Variants in FBN1 observed in about 807,000 individuals in gnomAD.
FBN1 encodes fibrillin-1.
FBN1 carries 29 observed loss-of-function variants against 365.1 expected under a neutral mutation model. The ratio of observed to expected loss-of-function variants is 0.08; its 90% CI spans 0.06 to 0.11. The LOEUF (loss-of-function observed/expected upper bound fraction) is 0.11, where lower values mean the gene tolerates loss of function less well. Ranked by LOEUF, FBN1 falls within the 10% of genes least tolerant of loss-of-function variation. The pLI is 1.00. For missense variants in FBN1, 2,476 were observed against 3,703.2 expected (o/e 0.67, Z 8.60); for synonymous variants, 1,210 against 1,270.5 (o/e 0.95, Z 1.01).
chr15:48,435,666 A>ATGTGTGTGTGTGTGTGTGTGTG (rs3074870), intron 53 of FBN1, among the ~76,000 whole-genome samples: 5 of 145,540 alleles, frequency 3.4e-5, no homozygotes, highest in African/African-American at 1.3e-4. Context: ...GAGACCTAAA[A>ATGTGTGTGTGTGTGTGTGTGTG]TGTGTGTGTG....
intron 9 of FBN1, among the ~76,000 whole-genome samples, chr15:48,522,464 A>G (rs1451685364): frequency 6.6e-6 from 1 of 152,164 alleles, no homozygotes; most frequent in African/African-American, 2.4e-5. Flanking sequence ...CCTTGTGCCA[A>G]AAAGGTTGGG....
At chr15:48,599,704 CAG>C (rs2044547002) in intron 5 of FBN1, among the ~76,000 whole-genome samples, 4 of 152,128 alleles carry the variant, frequency 2.6e-5, no homozygotes, top group Admixed American at 6.6e-5. Context: ...GAGAGGGATG[CAG>C]ATACCACCAA....
rs756632646 is a variant in FBN1, at chr15:48,456,770, C to G, written c.5297-8G>C. The G allele has an allele frequency of 1.2e-6, 2 of 1,611,652 alleles. No individual in the cohort carries two copies. Among genetic ancestry groups the G allele is most frequent in the African/African-American group, 1.3e-5 (1 of 74,514 alleles). On this transcript the variant is annotated splice_polypyrimidine_tract_variant and splice_region_variant and intron_variant, in intron 43 of 65. Transcript: ENST00000316623. ...CCCGGCACTCATCAATATCTAGAGACAGAGTAGTCATTCATGAGTGACAGG... is the reference window on the plus strand; with the variant it reads ...CCCGGCACTCATCAATATCTAGAGAGAGAGTAGTCATTCATGAGTGACAGG...
intron 19 of FBN1, 117 bp downstream of exon 19, chr15:48,497,149 G>A: frequency 8.5e-7 from 1 of 1,170,116 alleles, no homozygotes; most frequent in East Asian, 2.3e-5. Context: ...AACATCCGAA[G>A]TATAAAGTGT....
Position 48,635,855 on chromosome 15 carries a change from A to C in FBN1, c.164+8751T>G, listed in dbSNP as rs180913076. On this transcript the variant is annotated intron_variant, in intron 2 of 65. Transcript: ENST00000316623. ...AACTAAGATCAATGCCCTAACATGA[A>C]TCTAACAGAACATGCAAACACAATA... 9.0e-4 allele frequency among the ~76,000 whole-genome samples: 137 copies of C among 152,380 alleles called. 1 individual carries two copies. The highest frequency in any genetic ancestry group is 4.8e-3 in the Admixed American group (74 of 15,304).
Position 48,534,069 on chromosome 15 carries a change from A to G in FBN1, c.862+11T>C. 6.3e-7 allele frequency: 1 copy of G among 1,593,324 alleles called. No homozygotes were observed. ...CTACACCCCCCAACTGCAAAGCATA[A>G]GATTTCTTACCTTCACATTTTTGTG... On this transcript the variant is annotated intron_variant, in intron 8 of 65. Transcript: ENST00000316623.
At chr15:48,556,038 C>T (rs1025015215) in intron 6 of FBN1, among the ~76,000 whole-genome samples, 1 of 152,088 alleles carries the variant, frequency 6.6e-6, no homozygotes, top group African/African-American at 2.4e-5. Flanking sequence ...TCCACAAATA[C>T]CTTTTATCTC....
Position 48,425,965 on chromosome 15 carries a change from A to G in FBN1, c.7205-101T>C, listed in dbSNP as rs1217201280. 9.4e-6 allele frequency: 9 copies of G among 955,192 alleles called. No individual in the cohort carries two copies. The East Asian group carries it at 2.4e-4, about 25-fold the overall frequency. 59.2% of individuals were successfully genotyped at this position (955,192 alleles called of 1,614,324 possible). A position where few individuals can be genotyped will look rare whatever the true frequency, so the allele number is the denominator to read the frequency against. On this transcript the variant is annotated intron_variant, in intron 58 of 65. Coordinates refer to ENST00000316623, the MANE Select transcript of FBN1 (RefSeq NM_000138.5). ...GTAAATACTAATAAATTGTGTTACT[A>G]TATTTTGGGCCTAAGAAATTAAACC...
chr15:48,597,192 C>G (rs777589459), intron 5 of FBN1, among the ~76,000 whole-genome samples: 1 of 152,198 alleles, frequency 6.6e-6, no homozygotes, highest in Non-Finnish European at 1.5e-5. Context: ...ATTTTCTATA[C>G]ATTTTTCCAT....
chr15:48,488,573 CA>C, intron 25 of FBN1, 80 bp from the exon 26 acceptor site: 5 of 1,539,760 alleles, frequency 3.2e-6, no homozygotes, highest in Non-Finnish European at 4.4e-6. Context: ...CATTTTAAAT[CA>C]TGAAGGTTGG....
chr15:48,501,281 A>T (rs1381566693), intron 17 of FBN1, among the ~76,000 whole-genome samples: 1 of 152,126 alleles, frequency 6.6e-6, no homozygotes, highest in African/African-American at 2.4e-5. Context: ...GATTAATGTC[A>T]TTATTATGGG....
At chr15:48,468,919 T>G (rs188054870) in intron 36 of FBN1, among the ~76,000 whole-genome samples, 2,651 of 151,508 alleles carry the variant, frequency 0.017, 54 homozygotes, top group East Asian at 0.082. Context: ...ATACAAAAAA[T>G]TAGCCAGGCG....
At chr15:48,557,478 C>T (rs1035587857) in intron 6 of FBN1, among the ~76,000 whole-genome samples, 18 of 152,166 alleles carry the variant, frequency 1.2e-4, no homozygotes, top group Admixed American at 5.2e-4. Context: ...CCTTGGAACA[C>T]GCTGAGGATG....
chr15:48,427,616 A>G lies in FBN1; in HGVS notation c.7155T>C (p.Ala2385=). The G allele has an allele frequency of 2.5e-6, 4 of 1,614,170 alleles. 1 individual carries two copies. In the South Asian group the frequency reaches 4.4e-5, roughly 18 times the overall value. ...GGCCATGGGGACAGAGTTTCTTGAAAGCCACAGTCCCCTGGAAAGGGCAGA... is the reference window on the plus strand; with the variant it reads ...GGCCATGGGGACAGAGTTTCTTGAAGGCCACAGTCCCCTGGAAAGGGCAGA... The part of the protein sequence containing the change: ...CEICPFQGTV[A]FKKLCPHGRG... Residue 2385 remains alanine (A), a synonymous_variant, in exon 58 of 66, where the codon GCT becomes GCC. Transcript: ENST00000316623.
Position 48,485,313 on chromosome 15 carries a change from C to T in FBN1, c.3712+61G>A, listed in dbSNP as rs920330815. ...GCCTGCTTGACTCCAAAGCCTGGGCCCTAAACTACTTTACTTAGGAACCTA... is the reference window on the plus strand; with the variant it reads ...GCCTGCTTGACTCCAAAGCCTGGGCTCTAAACTACTTTACTTAGGAACCTA... On this transcript the variant is annotated intron_variant, in intron 30 of 65. Coordinates refer to ENST00000316623, the MANE Select transcript of FBN1 (RefSeq NM_000138.5). 3 of 1,613,002 alleles carry T rather than the reference C, an allele frequency of 1.9e-6. No homozygotes were observed. In the African/African-American group the frequency reaches 4.0e-5, roughly 22 times the overall value.
intron 2 of FBN1, among the ~76,000 whole-genome samples, chr15:48,625,572 G>C (rs1256498155): frequency 6.6e-6 from 1 of 152,192 alleles, no homozygotes; most frequent in Non-Finnish European, 1.5e-5. Flanking sequence ...CCATGAATCA[G>C]AGACTTAAAA....
intron 4 of FBN1, among the ~76,000 whole-genome samples, chr15:48,607,627 C>A (rs2044624708): frequency 6.6e-6 from 1 of 151,862 alleles, no homozygotes; most frequent in East Asian, 1.9e-4. Context: ...GACATGTAAT[C>A]TGCTGGCCTC....
At chr15:48,448,061 A>ACTTTATGAGAACAACTTTATG (rs1172539359) in intron 46 of FBN1, among the ~76,000 whole-genome samples, 1 of 152,134 alleles carries the variant, frequency 6.6e-6, no homozygotes, top group Non-Finnish European at 1.5e-5. Context: ...TACTCTGGAG[A>ACTTTATGAGAACAACTTTATG]AGATACAACT....
chr15:48,590,842 G>A (rs1419719073), intron 6 of FBN1, among the ~76,000 whole-genome samples: 1 of 152,180 alleles, frequency 6.6e-6, no homozygotes, highest in East Asian at 1.9e-4. Flanking sequence ...GTTCAACAAT[G>A]CTTTCCCCTA....
Sources: gnomAD v4.1 joint callset for allele counts (sites outside exome capture counted in the v4.1 genomes callset) on GRCh38, gnomAD v4.1.1 for gene constraint, MANE v1.5 for transcripts, NCBI Gene and HGNC (gene_info 2026-07-23, HGNC 2026-07-21) for gene names.